Variants in PTK2 observed in about 807,000 individuals in gnomAD.
PTK2 encodes the protein focal adhesion kinase 1.
Under a neutral mutation model 150.1 loss-of-function variants are expected in PTK2, and 45 were observed. That is an observed-to-expected ratio of 0.30 (90% CI 0.24 to 0.38). The LOEUF (loss-of-function observed/expected upper bound fraction) is 0.38. PTK2 is among the 10% of genes least tolerant of loss of function. The probability of loss-of-function intolerance (pLI) is 1.00; values close to 1 mark genes in which losing one functional copy is unlikely to be tolerated. For synonymous variants in PTK2, 432 were observed against 449.2 expected (o/e 0.96, Z 0.48); for missense variants, 919 against 1,307.3 (o/e 0.70, Z 4.58).
chr8:140,893,974 T>A (rs1568342817), intron 2 of PTK2, among the ~76,000 whole-genome samples: 1 of 152,230 alleles, frequency 6.6e-6, no homozygotes, highest in Non-Finnish European at 1.5e-5. Flanking sequence ...ACATGTGTCT[T>A]CTGATCCAGC....
intron 1 of PTK2, among the ~76,000 whole-genome samples, chr8:140,998,235 C>T (rs1411787099): frequency 6.6e-6 from 1 of 152,116 alleles, no homozygotes; most frequent in African/African-American, 2.4e-5. Flanking sequence ...AATGCCTAAA[C>T]TGAAAATGTT....
chr8:140,706,069 A>T (rs1454290172), intron 24 of PTK2, 50 bp downstream of exon 27: 2 of 1,444,102 alleles, frequency 1.4e-6, no homozygotes, highest in South Asian at 2.3e-5. Flanking sequence ...CTACCCCAAA[A>T]GCGCTAAATA....
intron 1 of PTK2, among the ~76,000 whole-genome samples, chr8:140,988,728 C>CAAAAAA (rs71310814): frequency 5.7e-5 from 4 of 69,968 alleles, no homozygotes; most frequent in East Asian, 4.2e-4. Flanking sequence ...GACTCCATCC[C>CAAAAAA]AAAAAAAAAA....
intron 13 of PTK2, among the ~76,000 whole-genome samples, chr8:140,792,368 G>T (rs1052690487): frequency 6.6e-6 from 1 of 152,186 alleles, no homozygotes; most frequent in Non-Finnish European, 1.5e-5. Flanking sequence ...CACACAGGTC[G>T]TCACAATCCA....
intron 7 of PTK2, among the ~76,000 whole-genome samples, chr8:140,844,317 C>A (rs1281529507): frequency 6.6e-6 from 1 of 152,150 alleles, no homozygotes; most frequent in South Asian, 2.1e-4. Flanking sequence ...TAGAAACAAG[C>A]CACTAAATGT....
At chr8:140,725,050 TAA>T (rs2100044943) in intron 22 of PTK2, among the ~76,000 whole-genome samples, 1 of 152,256 alleles carries the variant, frequency 6.6e-6, no homozygotes, top group Admixed American at 6.5e-5. Flanking sequence ...CTGCAGTAAA[TAA>T]AGTCTTTTGT....
intron 17 of PTK2, among the ~76,000 whole-genome samples, chr8:140,748,123 C>T (rs2100060531): frequency 1.3e-5 from 2 of 152,148 alleles, no homozygotes; most frequent in Admixed American, 6.5e-5. Context: ...GGATTTCTAT[C>T]TTAGACATAA....
chr8:140,960,500 G>A (rs1057447606), intron 1 of PTK2, among the ~76,000 whole-genome samples: 8 of 151,960 alleles, frequency 5.3e-5, no homozygotes, highest in African/African-American at 1.2e-4. Context: ...GAGCCACCGC[G>A]GCTGGCCCAT....
At chr8:140,739,049 A>G in exon 21 of PTK2, 1 of 1,581,290 alleles carries the variant, frequency 6.3e-7, no homozygotes, top group Non-Finnish European at 8.6e-7. Flanking sequence ...CTGAGGTAAA[A>G]CGTCGAAAAT....
At chr8:140,863,581 C>T (rs924942664) in intron 5 of PTK2, among the ~76,000 whole-genome samples, 1 of 152,166 alleles carries the variant, frequency 6.6e-6, no homozygotes, top group African/African-American at 2.4e-5. Flanking sequence ...TCCTTTTCTA[C>T]AAAGTTGAAG....
At chr8:140,793,487 A>C in intron 12 of PTK2, 103 bp from the exon 13 acceptor site, 1 of 1,230,736 alleles carries the variant, frequency 8.1e-7, no homozygotes, top group Non-Finnish European at 1.1e-6. Flanking sequence ...CTGGTATTCC[A>C]GCAATGACCC....
At chr8:140,899,017 A>G (rs1329465902) in intron 2 of PTK2, among the ~76,000 whole-genome samples, 1 of 152,248 alleles carries the variant, frequency 6.6e-6, no homozygotes, top group Admixed American at 6.5e-5. Context: ...TATAAAAGTT[A>G]TCTTCTCCAT....
intron 14 of PTK2, among the ~76,000 whole-genome samples, chr8:140,777,378 A>C (rs1426949689): frequency 6.6e-6 from 1 of 152,182 alleles, no homozygotes; most frequent in Non-Finnish European, 1.5e-5. Context: ...CACATACTTC[A>C]AAGGACCAGG....
chr8:140,846,810 A>T, intron 5 of PTK2, 132 bp from the exon 6 acceptor site: 1 of 605,996 alleles, frequency 1.7e-6, no homozygotes, highest in African/African-American at 1.9e-5. Context: ...GATGTTAAAG[A>T]TATAAATAAA....
At chr8:140,805,232 A>T (rs1279423702) in intron 10 of PTK2, among the ~76,000 whole-genome samples, 2 of 152,156 alleles carry the variant, frequency 1.3e-5, no homozygotes, top group African/African-American at 4.8e-5. Flanking sequence ...CCCTCAAAAC[A>T]TGTTCTTCCT....
chr8:140,870,264 C>T (rs144786532), intron 4 of PTK2, among the ~76,000 whole-genome samples: 20 of 152,276 alleles, frequency 1.3e-4, no homozygotes, highest in African/African-American at 4.8e-4. Flanking sequence ...CTAAACAATA[C>T]ACTTAATCAC....
At chr8:140,895,259 G>A (rs538645375) in intron 2 of PTK2, among the ~76,000 whole-genome samples, 1 of 152,326 alleles carries the variant, frequency 6.6e-6, no homozygotes, top group South Asian at 2.1e-4. Flanking sequence ...AGGGCACAGT[G>A]AATCACGCCT....
chr8:140,930,191 T>C (rs987091533), intron 1 of PTK2, among the ~76,000 whole-genome samples: 5 of 152,160 alleles, frequency 3.3e-5, no homozygotes, highest in Admixed American at 6.5e-5. Flanking sequence ...AATGAATAAA[T>C]AAACCTCGGA....
rs541452280 is a variant in PTK2, at chr8:140,884,458, AATTG to A, written c.196-4825_196-4822del. Among the ~76,000 whole-genome samples the A allele has an allele frequency of 1.2e-3, 181 of 152,304 alleles. 2 individuals carry two copies. Among genetic ancestry groups the A allele is most frequent in the African/African-American group, 4.2e-3 (173 of 41,568 alleles). On this transcript the variant is annotated intron_variant, in intron 3 of 31. Coordinates refer to ENST00000522684, the Ensembl canonical transcript of PTK2. ...TTTGAATCCGTAACAATCAATGTTC[AATTG>A]ATTGTTATTAATAATCAATTGTTTT...
Sources: allele counts gnomAD v4.1 joint callset (sites outside exome capture counted in the v4.1 genomes callset), GRCh38; gene constraint gnomAD v4.1.1; transcripts MANE v1.5; gene names NCBI Gene and HGNC (gene_info 2026-07-23, HGNC 2026-07-21).